ADCY5: variants seen among roughly 807,000 people sequenced by gnomAD.
The protein encoded by ADCY5 is adenylate cyclase type 5.
ADCY5 carries 30 observed loss-of-function variants against 119.7 expected under a neutral mutation model. The ratio of observed to expected loss-of-function variants is 0.25; its 90% CI spans 0.19 to 0.34. The LOEUF (loss-of-function observed/expected upper bound fraction) is 0.34. ADCY5 is among the 10% of genes least tolerant of loss of function. ADCY5 has a pLI of 1.00. For missense variants in ADCY5, 1,324 were observed against 1,775.2 expected, an observed-to-expected ratio of 0.75 and a Z score of 4.57; for synonymous variants, 753 against 762.2, an observed-to-expected ratio of 0.99 and a Z score of 0.20.
Position 123,302,795 on chromosome 3 carries a change from T to C in ADCY5, c.2724+260A>G, listed in dbSNP as rs185889260. On this transcript the variant is annotated intron_variant, in intron 14 of 20. Coordinates refer to ENST00000462833, the MANE Select transcript of ADCY5 (RefSeq NM_183357.3). ...TTTAATGAGTAAGTGCAGGTAGAGCTCTCAGCCACAGTCCCTGGTAAGCAC... is the reference window on the plus strand; with the variant it reads ...TTTAATGAGTAAGTGCAGGTAGAGCCCTCAGCCACAGTCCCTGGTAAGCAC... Among the ~76,000 whole-genome samples the C allele has an allele frequency of 1.2e-4, 18 of 152,306 alleles. No homozygotes were observed. The East Asian group carries it at 3.3e-3, about 28-fold the overall frequency.
rs1047712128 is a variant in ADCY5 at position 123,416,285 on chromosome 3, C to T, written c.1134+31127G>A. 6 of 1,536,010 alleles carry T rather than the reference C, an allele frequency of 3.9e-6. No homozygotes were observed. The East Asian group carries it at 9.8e-5, about 25-fold the overall frequency. On this transcript the variant is annotated intron_variant, in intron 1 of 20. Transcript: ENST00000462833. ...GACTTCATTCCTCAGGACTTACTTCCAGACGCTTCCCCAAAAAGGGGCTAA... is the reference window on the plus strand; with the variant it reads ...GACTTCATTCCTCAGGACTTACTTCTAGACGCTTCCCCAAAAAGGGGCTAA...
chr3:123,409,050 T>A (rs546429167), intron 1 of ADCY5, among the ~76,000 whole-genome samples: 1 of 152,350 alleles, frequency 6.6e-6, no homozygotes, highest in East Asian at 1.9e-4. Flanking sequence ...GTAGATAAAG[T>A]ATAGAAAAGA....
At chr3:123,291,043 C>T (rs766294096) in intron 18 of ADCY5, 70 bp downstream of exon 18, 20 of 1,533,620 alleles carry the variant, frequency 1.3e-5, no homozygotes, top group Middle Eastern at 2.2e-4. Flanking sequence ...GGTCTCTTCA[C>T]ATCCCTCCCA....
intron 14 of ADCY5, among the ~76,000 whole-genome samples, chr3:123,302,725 A>G (rs1939916427): frequency 6.6e-6 from 1 of 152,180 alleles, no homozygotes; most frequent in South Asian, 2.1e-4. Context: ...CTTCGTCTCT[A>G]CAAAGGAGAT....
chr3:123,328,744 G>T lies in ADCY5; in HGVS notation c.1705C>A (p.Arg569=). The T allele has an allele frequency of 6.2e-7, 1 of 1,614,180 alleles. No individual in the cohort carries two copies. The highest frequency in any genetic ancestry group is 8.5e-7 in the Non-Finnish European group (1 of 1,180,032). Residue 569 remains arginine, a synonymous_variant, in exon 6 of 21, where the codon CGA becomes AGA. Transcript: ENST00000462833. ...AGACCAAGGACACCGCAGTGTACTCGCCCGCTGTGAATTCCCACACGCATG... is the reference window on the plus strand; with the variant it reads ...AGACCAAGGACACCGCAGTGTACTCTCCCGCTGTGAATTCCCACACGCATG... The part of the protein sequence containing the change: ...VNMRVGIHSG[R]VHCGVLGLRK...
chr3:123,447,600 C>T lies in ADCY5; in HGVS notation c.946G>A (p.Gly316Ser). ...CTGCGTGGCTGCGGCAGCAGCAGGC[C>T]CACCACCTGGACGGCCAGCACCACG... Reference protein sequence around the residue: ...IAVVLAVQVVGLLLPQPRSAS... With the variant: ...IAVVLAVQVVSLLLPQPRSAS... Residue 316 changes from glycine to serine, a missense_variant, in exon 1 of 21, where the codon GGC (glycine) becomes AGC (serine). Transcript: ENST00000462833. 1.2e-6 allele frequency: 2 copies of T among 1,607,796 alleles called. No homozygotes were observed. Among genetic ancestry groups the T allele is most frequent in the South Asian group, 1.1e-5 (1 of 90,668 alleles).
chr3:123,300,190 C>G lies in ADCY5; in HGVS notation c.2830G>C (p.Val944Leu). Reference sequence around the variant, plus strand: ...ACACCTGGCACCTCCACGATGAGCACGTAGATGAGCTCGATGGCCAGCATG... The same window carrying G: ...ACACCTGGCACCTCCACGATGAGCAGGTAGATGAGCTCGATGGCCAGCATG... Reference protein sequence around the residue: ...VLMLAIELIYVLIVEVPGVTL... With the variant: ...VLMLAIELIYLLIVEVPGVTL... Residue 944 changes from valine (V) to leucine (L), a missense_variant, in exon 15 of 21, where the codon GTG becomes CTG. Transcript: ENST00000462833. 1 of 1,613,860 alleles carries G rather than the reference C, an allele frequency of 6.2e-7. No homozygotes were observed.
chr3:123,303,893 GAAGA>G (rs1305462617), intron 13 of ADCY5, among the ~76,000 whole-genome samples, 170 bp downstream of exon 13: 1 of 117,186 alleles, frequency 8.5e-6, no homozygotes, highest in African/African-American at 3.4e-5. Flanking sequence ...GAAGAGAAGA[GAAGA>G]AAGAACTTGT....
chr3:123,411,708 C>T (rs1191062231), intron 1 of ADCY5, among the ~76,000 whole-genome samples: 2 of 152,208 alleles, frequency 1.3e-5, no homozygotes, highest in Non-Finnish European at 2.9e-5. Context: ...GCAACAGTTG[C>T]TCCTGTCCTC....
At chr3:123,436,136 C>G (rs1349758022) in intron 1 of ADCY5, among the ~76,000 whole-genome samples, 1 of 151,640 alleles carries the variant, frequency 6.6e-6, no homozygotes, top group African/African-American at 2.4e-5. Context: ...GTGATCCGCC[C>G]GCCTCAGCCT....
At chr3:123,338,013 G>A (rs1942098483) in intron 3 of ADCY5, among the ~76,000 whole-genome samples, 1 of 152,184 alleles carries the variant, frequency 6.6e-6, no homozygotes, top group Non-Finnish European at 1.5e-5. Context: ...CCAGCCATAT[G>A]CACGGAACCA....
rs368728140 is a variant in ADCY5 at position 123,330,874 on chromosome 3, G to C, written c.1646+15C>G. 99 of 1,604,000 alleles carry C rather than the reference G, an allele frequency of 6.2e-5. No individual in the cohort carries two copies. Among genetic ancestry groups the C allele is most frequent in the Non-Finnish European group, 8.1e-5 (95 of 1,175,090 alleles). ...TCCCAGGGAGGGAGACGGTACCCGG[G>C]GGGTGGACACTTACGAGATGGCCTC... On this transcript the variant is annotated intron_variant, in intron 5 of 20. Transcript: ENST00000462833.
At chr3:123,289,659 A>G in intron 19 of ADCY5, 91 bp downstream of exon 19, 2 of 1,471,032 alleles carry the variant, frequency 1.4e-6, no homozygotes, top group Non-Finnish European at 1.9e-6. Context: ...TGGGACCACA[A>G]TGGCGGATGC....
intron 15 of ADCY5, among the ~76,000 whole-genome samples, chr3:123,298,830 C>CTTTTTTTTTTTTTTTTTTT (rs35856404): frequency 2.0e-5 from 2 of 102,532 alleles, no homozygotes; most frequent in African/African-American, 3.8e-5. Flanking sequence ...AAAACTGTCA[C>CTTTTTTTTTTTTTTTTTTT]TTTTTTTTTT....
At chr3:123,405,766 C>G (rs1944882720) in intron 1 of ADCY5, among the ~76,000 whole-genome samples, 1 of 152,172 alleles carries the variant, frequency 6.6e-6, no homozygotes, top group Non-Finnish European at 1.5e-5. Context: ...TCCCAAGTAG[C>G]TGGGACTACA....
rs1945875454 is a variant in ADCY5, at chr3:123,448,639, G to C, written c.-94C>G. On this transcript the variant is annotated 5_prime_UTR_variant, in exon 1 of 21. Coordinates refer to ENST00000462833, the MANE Select transcript of ADCY5 (RefSeq NM_183357.3). ...GCGGACGGCCGAGCAGGGGGACCAG[G>C]CTAGGGTCACACGTCGGGGGCGGCC... 1.7e-6 allele frequency: 2 copies of C among 1,176,654 alleles called. No homozygotes were observed. The highest frequency in any genetic ancestry group is 2.1e-6 in the Non-Finnish European group (2 of 932,588). 72.9% of individuals were successfully genotyped at this position (1,176,654 alleles called of 1,614,324 possible).
intron 17 of ADCY5, among the ~76,000 whole-genome samples, chr3:123,291,980 C>CG (rs1939183231): frequency 6.6e-6 from 1 of 152,138 alleles, no homozygotes; most frequent in African/African-American, 2.4e-5. Flanking sequence ...GGGACATCAC[C>CG]AGTGACTTTG....
At chr3:123,432,067 T>C (rs541055658) in intron 1 of ADCY5, among the ~76,000 whole-genome samples, 4 of 152,294 alleles carry the variant, frequency 2.6e-5, no homozygotes, top group Non-Finnish European at 4.4e-5. Flanking sequence ...GACGGACTCA[T>C]TGAGGTTAAC....
chr3:123,303,522 G>C (rs1246448491), intron 13 of ADCY5, among the ~76,000 whole-genome samples: 1 of 152,148 alleles, frequency 6.6e-6, no homozygotes, highest in Non-Finnish European at 1.5e-5. Context: ...TTCACTTAGT[G>C]GGAGAGTAGC....
Sources: gnomAD v4.1 joint callset for allele counts (sites outside exome capture counted in the v4.1 genomes callset) on GRCh38, gnomAD v4.1.1 for gene constraint, MANE v1.5 for transcripts, NCBI Gene and HGNC (gene_info 2026-07-23, HGNC 2026-07-21) for gene names.